The following JAK1 variants were observed in gnomAD, a reference collection of about 807,000 sequenced individuals.
The protein encoded by JAK1 is Janus kinase 1.
JAK1 carries 16 observed loss-of-function variants against 136.6 expected under a neutral mutation model. The observed-to-expected ratio is 0.12, with a 90% CI of 0.08 to 0.18. The LOEUF is 0.18. Among genes scored for constraint, JAK1 ranks in the 10% least tolerant of loss-of-function variants. The probability of loss-of-function intolerance (pLI) is 1.00; values close to 1 mark genes in which losing one functional copy is unlikely to be tolerated. For missense variants in JAK1, 859 were observed against 1,450.1 expected, an observed-to-expected ratio of 0.59 and a Z score of 6.62; for synonymous variants, 492 against 519.5, an observed-to-expected ratio of 0.95 and a Z score of 0.72.
At chr1:64,968,043 T>C (rs1263200588), upstream of JAK1, among the ~76,000 whole-genome samples, 9 of 151,770 alleles carry the variant, frequency 5.9e-5, no homozygotes, top group African/African-American at 2.2e-4. Context: ...GCTCAGGAAG[T>C]GGTAGGGGTT....
At chr1:64,839,413 G>A (rs1447152255) in intron 20 of JAK1, 190 bp downstream of exon 20, 7 of 443,238 alleles carry the variant, frequency 1.6e-5, no homozygotes, top group East Asian at 3.4e-5. Context: ...GGCCTGGGTG[G>A]CCTCCTCAGG....
At chr1:65,030,080 C>T (rs915546314) in intron 2 of JAK1, among the ~76,000 whole-genome samples, 3 of 151,932 alleles carry the variant, frequency 2.0e-5, no homozygotes, top group African/African-American at 7.3e-5. Flanking sequence ...TTAGGTTTAG[C>T]GAGATTATGA....
chr1:65,048,107 G>T (rs956058922), intron 1 of JAK1, among the ~76,000 whole-genome samples: 8 of 152,176 alleles, frequency 5.3e-5, no homozygotes, highest in Admixed American at 5.2e-4. Context: ...TTTGCAGGTG[G>T]AAGAAAAGAA....
chr1:64,862,748 G>C lies in JAK1; in HGVS notation c.1176+2039C>G, dbSNP rs371077441. On this transcript the variant is annotated intron_variant, in intron 8 of 24. Coordinates refer to ENST00000342505, the MANE Select transcript of JAK1 (RefSeq NM_002227.4). The stretch of plus-strand genomic sequence containing the variant: ...TGTCAGCCTCTCCCTCACTCCCTTC[G>C]GGGTCTCTGGGGGATGATAACGCCT... Among the ~76,000 whole-genome samples the C allele has an allele frequency of 1.2e-4, 18 of 152,328 alleles. 5 individuals are homozygous for C. The highest frequency in any genetic ancestry group is 1.5e-5 in the Non-Finnish European group (1 of 68,024).
chr1:65,050,153 T>C (rs2100856574), intron 1 of JAK1, among the ~76,000 whole-genome samples: 1 of 152,332 alleles, frequency 6.6e-6, no homozygotes, highest in East Asian at 1.9e-4. Context: ...TCACATCTCA[T>C]AGTACACTAG....
rs1300071506 is a variant in JAK1, at chr1:64,844,235, C to A, written c.2252-20G>T. 6.2e-7 allele frequency: 1 copy of A among 1,613,958 alleles called. No homozygotes were observed. ...TGCATTCTGGAAGACAACAGACACA[C>A]TGATGGAGCAGTTTCTGGGATCTCC... On this transcript the variant is annotated intron_variant, in intron 16 of 24. Coordinates refer to ENST00000342505, the MANE Select transcript of JAK1 (RefSeq NM_002227.4). This position sits in a 1 kb window ranked among gnomAD's most constrained non-coding sequence, Gnocchi z 5.7.
Position 64,836,934 on chromosome 1 carries a change from C to T in JAK1, c.3141-719G>A, listed in dbSNP as rs527423726. Among the ~76,000 whole-genome samples, 56 of 152,302 alleles carry T rather than the reference C, an allele frequency of 3.7e-4. 1 individual carries two copies. Among genetic ancestry groups the T allele is most frequent in the Non-Finnish European group, 7.4e-4 (50 of 68,020 alleles). ...CATCCCATTGTTCTTGAGATGAAGT[C>T]CCAGCTCCATGACTCAAGCTTCCTC... On this transcript the variant is annotated intron_variant, in intron 22 of 24. Coordinates refer to ENST00000342505, the MANE Select transcript of JAK1 (RefSeq NM_002227.4).
chr1:64,941,730 C>G (rs1448989491), intron 1 of JAK1, among the ~76,000 whole-genome samples: 1 of 152,186 alleles, frequency 6.6e-6, no homozygotes, highest in Non-Finnish European at 1.5e-5. Flanking sequence ...AAGTCAACTA[C>G]TATCAGATTT....
rs1200632730 is a variant in JAK1 at position 65,003,787 on chromosome 1, CCTCT to C, written c.-78+40689_-78+40692del. Reference sequence around the variant, plus strand: ...ATCTCTGTAAAGCCTTACTCCACTCCCTCTGTCTACGCATCTAAAGCAAACATAC... The same window carrying C: ...ATCTCTGTAAAGCCTTACTCCACTCCGTCTACGCATCTAAAGCAAACATAC... On this transcript the variant is annotated intron_variant, in intron 2 of 25. Transcript: ENST00000671954. 7 of 152,090 alleles carry C rather than the reference CCTCT, an allele frequency of 4.6e-5. No individual in the cohort carries two copies. In the East Asian group the frequency reaches 7.7e-4, roughly 17 times the overall value. 9.4% of individuals were successfully genotyped at this position (152,090 alleles called of 1,614,324 possible). A position where few individuals can be genotyped will look rare whatever the true frequency, so the allele number is the denominator to read the frequency against.
intron 1 of JAK1, among the ~76,000 whole-genome samples, chr1:64,937,343 G>A (rs951842927): frequency 6.6e-6 from 1 of 152,168 alleles, no homozygotes; most frequent in Admixed American, 6.5e-5. Context: ...ATCATCTCAT[G>A]CTCGGGCCAC....
intron 2 of JAK1, chr1:64,993,528 T>C (rs1646676969): frequency 6.6e-6 from 1 of 152,368 alleles, no homozygotes; most frequent in African/African-American, 2.4e-5. Flanking sequence ...TCCATGAAAT[T>C]TTGTCCAGTG....
At chr1:64,839,515 G>T in intron 20 of JAK1, 88 bp downstream of exon 20, 1 of 1,163,160 alleles carries the variant, frequency 8.6e-7, no homozygotes, top group Non-Finnish European at 1.2e-6. Context: ...GCCCAGGTAA[G>T]GCCACGGAGT....
intron 3 of JAK1, among the ~76,000 whole-genome samples, chr1:64,882,524 A>G (rs1173747156): frequency 6.6e-6 from 1 of 152,214 alleles, no homozygotes; most frequent in Non-Finnish European, 1.5e-5. Flanking sequence ...AACCATCATC[A>G]CAATCCAAGT....
chr1:64,977,495 A>G (rs1313725158), intron 2 of JAK1, among the ~76,000 whole-genome samples: 10 of 148,980 alleles, frequency 6.7e-5, no homozygotes, highest in African/African-American at 2.5e-4. Context: ...CTGTGGAGCA[A>G]TCTTGGCTCA....
At chr1:65,038,938 T>TTGTGTG (rs150814115) in intron 2 of JAK1, among the ~76,000 whole-genome samples, 1,649 of 147,934 alleles carry the variant, frequency 0.011, 18 homozygotes, top group African/African-American at 0.034. Context: ...GCACCCAGTC[T>TTGTGTG]TGTGTGTGTG....
At chr1:64,878,231 A>C (rs1644705202) in intron 4 of JAK1, among the ~76,000 whole-genome samples, 1 of 152,220 alleles carries the variant, frequency 6.6e-6, no homozygotes, top group Non-Finnish European at 1.5e-5. Context: ...TCTGCTTAGC[A>C]AGTATGTAAC....
At chr1:64,843,385 TAG>T (rs918058560) in intron 17 of JAK1, among the ~76,000 whole-genome samples, 3 of 152,188 alleles carry the variant, frequency 2.0e-5, no homozygotes, top group African/African-American at 7.2e-5. Context: ...CCTTTGGAGT[TAG>T]AGTCTCCACT....
intron 1 of JAK1, among the ~76,000 whole-genome samples, chr1:64,955,351 G>A (rs1041870349): frequency 6.6e-6 from 1 of 152,328 alleles, no homozygotes; most frequent in Admixed American, 6.5e-5. Flanking sequence ...GTTGGGGTAG[G>A]GAGGGGCAGA....
chr1:64,878,161 C>A (rs1442568662), intron 4 of JAK1, among the ~76,000 whole-genome samples: 1 of 152,136 alleles, frequency 6.6e-6, no homozygotes, highest in Non-Finnish European at 1.5e-5. Context: ...TGTAAGTTAA[C>A]CTGCTTTTCA....
Sources: gnomAD v4.1 joint callset for allele counts (sites outside exome capture counted in the v4.1 genomes callset) on GRCh38, gnomAD v4.1.1 for gene constraint, Gnocchi (gnomAD v3.1) non-coding constraint, MANE v1.5 for transcripts, NCBI Gene and HGNC (gene_info 2026-07-23, HGNC 2026-07-21) for gene names.